MYO1E: variants seen among roughly 807,000 people sequenced by gnomAD.
MYO1E encodes unconventional myosin-Ie.
MYO1E carries 68 observed loss-of-function variants against 151.1 expected under a neutral mutation model. That is an observed-to-expected ratio of 0.45 (90% CI 0.37 to 0.55). The LOEUF (loss-of-function observed/expected upper bound fraction) is 0.55. Ranked by LOEUF, MYO1E falls within the 20% of genes least tolerant of loss-of-function variation. The probability of loss-of-function intolerance (pLI) is 0.00; values close to 1 mark genes in which losing one functional copy is unlikely to be tolerated. For synonymous variants in MYO1E, 601 were observed against 501.7 expected, an observed-to-expected ratio of 1.20 and a Z score of -2.64; for missense variants, 1,363 against 1,389.3, an observed-to-expected ratio of 0.98 and a Z score of 0.30.
At chr15:59,220,173 G>T (rs2079945493) in intron 9 of MYO1E, among the ~76,000 whole-genome samples, 1 of 152,236 alleles carries the variant, frequency 6.6e-6, no homozygotes, top group South Asian at 2.1e-4. Context: ...GTTTGGCCAG[G>T]TGTGGTGGCT....
intron 1 of MYO1E, among the ~76,000 whole-genome samples, chr15:59,301,342 C>T (rs985261490): frequency 2.0e-5 from 3 of 152,144 alleles, no homozygotes; most frequent in Non-Finnish European, 4.4e-5. Context: ...ACTATAGCAA[C>T]TTGTAGTCAA....
chr15:59,296,317 TCACAGG>T (rs1448347180), intron 1 of MYO1E, among the ~76,000 whole-genome samples: 3 of 152,230 alleles, frequency 2.0e-5, no homozygotes, highest in Admixed American at 6.5e-5. Context: ...AACACAGCGT[TCACAGG>T]CTGTCCCTTC....
chr15:59,256,489 C>T (rs539368277), intron 3 of MYO1E, 111 bp from the exon 4 acceptor site: 68 of 567,344 alleles, frequency 1.2e-4, no homozygotes, highest in Middle Eastern at 1.0e-3. Context: ...AATTTGGAAA[C>T]GAATCGTGCA....
At chr15:59,256,444 G>C in intron 3 of MYO1E, 66 bp from the exon 4 acceptor site, 1 of 930,804 alleles carries the variant, frequency 1.1e-6, no homozygotes, top group African/African-American at 1.7e-5. Flanking sequence ...ACAAAATCAT[G>C]GTCAGATAGG....
At chr15:59,173,656 T>C in intron 21 of MYO1E, 90 bp downstream of exon 21, 1 of 1,522,574 alleles carries the variant, frequency 6.6e-7, no homozygotes, top group South Asian at 1.1e-5. Flanking sequence ...GAACACATTC[T>C]GATTTGGTAA....
At chr15:59,249,699 C>G (rs79541472) in intron 4 of MYO1E, among the ~76,000 whole-genome samples, 1,540 of 152,270 alleles carry the variant, frequency 0.01, 27 homozygotes, top group African/African-American at 0.035. Flanking sequence ...ACTAAAGATT[C>G]CTAGTCTTTC....
At chr15:59,298,544 G>A (rs1234234947) in intron 1 of MYO1E, among the ~76,000 whole-genome samples, 3 of 152,210 alleles carry the variant, frequency 2.0e-5, no homozygotes, top group African/African-American at 7.2e-5. Context: ...CATATGCAAA[G>A]CTGCTATGTG....
At position 59,247,055 on chromosome 15, in the gene MYO1E, G is replaced by C. The variant is rs116761538; in HGVS notation, c.332+9229C>G. Among the ~76,000 whole-genome samples, 1,075 of 152,260 alleles carry C rather than the reference G, an allele frequency of 7.1e-3. 18 individuals carry two copies. Among genetic ancestry groups the C allele is most frequent in the African/African-American group, 0.024 (1,017 of 41,530 alleles). On this transcript the variant is annotated intron_variant, in intron 4 of 27. Coordinates refer to ENST00000288235, the MANE Select transcript of MYO1E (RefSeq NM_004998.4). The stretch of plus-strand genomic sequence containing the variant: ...TACAAAAAATTTAAAAATTAGCCAG[G>C]CATGATGGTGCGCATCTGTGGTCCC...
At chr15:59,147,691 A>G (rs2079450251) in intron 26 of MYO1E, among the ~76,000 whole-genome samples, 1 of 151,910 alleles carries the variant, frequency 6.6e-6, no homozygotes. Flanking sequence ...TCATCTTCAA[A>G]TTGTCCAAAT....
rs571440264 is a variant in MYO1E at position 59,223,875 on chromosome 15, C to T, written c.778-684G>A. Among the ~76,000 whole-genome samples the T allele has an allele frequency of 5.9e-5, 9 of 152,150 alleles. No individual in the cohort carries two copies. In the South Asian group the frequency reaches 1.0e-3, roughly 18 times the overall value. The stretch of plus-strand genomic sequence containing the variant: ...CAGACTCCTTATTGGCACTTTTCCC[C>T]GCAGCTGCTTTGAGGCCATGTGACC... On this transcript the variant is annotated intron_variant, in intron 8 of 27. Coordinates refer to ENST00000288235, the MANE Select transcript of MYO1E (RefSeq NM_004998.4).
chr15:59,189,504 T>TTTTCTTTC (rs36067704), intron 17 of MYO1E, among the ~76,000 whole-genome samples: 153 of 150,292 alleles, frequency 1.0e-3, no homozygotes, highest in Non-Finnish European at 1.5e-3. Context: ...TTTCTTTTTC[T>TTTTCTTTC]TTTCTTTCTT....
At chr15:59,164,263 A>G (rs2079552776) in intron 22 of MYO1E, among the ~76,000 whole-genome samples, 1 of 152,200 alleles carries the variant, frequency 6.6e-6, no homozygotes, top group African/African-American at 2.4e-5. Context: ...ACTATAATAT[A>G]TAAGTTTACG....
chr15:59,255,211 C>T (rs1381905585), intron 4 of MYO1E, among the ~76,000 whole-genome samples: 1 of 151,948 alleles, frequency 6.6e-6, no homozygotes, highest in Non-Finnish European at 1.5e-5. Flanking sequence ...ACTTCCCTGG[C>T]TCAAGTGATC....
chr15:59,208,568 C>T (rs533900632), intron 14 of MYO1E, 113 bp downstream of exon 14: 268 of 1,304,966 alleles, frequency 2.1e-4, no homozygotes, highest in Admixed American at 2.7e-4. Context: ...TTAATAAATT[C>T]CGTTTGTTGA....
rs148651064 is a variant in MYO1E, at chr15:59,207,056, A to G, written c.1531-1571T>C. On this transcript the variant is annotated intron_variant, in intron 14 of 27. Coordinates refer to ENST00000288235, the MANE Select transcript of MYO1E (RefSeq NM_004998.4). ...CGTCAAGCAACGCGCATCCCGCTCA[A>G]CGGCACCTGGCTCTTCACCCCCGTG... 195 of 1,614,148 alleles carry G rather than the reference A, an allele frequency of 1.2e-4. No individual in the cohort carries two copies. The highest frequency in any genetic ancestry group is 3.3e-4 in the Middle Eastern group (2 of 6,062).
At chr15:59,264,691 A>G (rs2080242981) in intron 2 of MYO1E, among the ~76,000 whole-genome samples, 1 of 152,196 alleles carries the variant, frequency 6.6e-6, no homozygotes, top group African/African-American at 2.4e-5. Flanking sequence ...GTGGATTTTT[A>G]AAGTATCTTT....
At chr15:59,178,977 A>G (rs1260154213) in intron 18 of MYO1E, among the ~76,000 whole-genome samples, 1 of 152,238 alleles carries the variant, frequency 6.6e-6, no homozygotes, top group African/African-American at 2.4e-5. Context: ...ACAACTGTGT[A>G]TCAACTTTCA....
chr15:59,210,416 T>G (rs2079871818), intron 13 of MYO1E, 98 bp downstream of exon 13: 1 of 861,768 alleles, frequency 1.2e-6, no homozygotes, highest in Admixed American at 1.8e-5. Context: ...CAAATCAGAG[T>G]TGTCACTTTG....
intron 24 of MYO1E, among the ~76,000 whole-genome samples, chr15:59,160,483 T>C (rs1379425514): frequency 1.3e-5 from 2 of 151,462 alleles, no homozygotes; most frequent in South Asian, 4.2e-4. Context: ...GATCATGATT[T>C]ACTGCAGCCT....
Sources: gnomAD v4.1 joint callset for allele counts (sites outside exome capture counted in the v4.1 genomes callset) on GRCh38, gnomAD v4.1.1 for gene constraint, MANE v1.5 for transcripts, NCBI Gene and HGNC (gene_info 2026-07-23, HGNC 2026-07-21) for gene names.